Variants in APBB1 observed in about 807,000 individuals in gnomAD.
The protein encoded by APBB1 is adaptor protein FE65a2.
A neutral mutation model predicts 78.4 loss-of-function variants in APBB1; 22 were observed. The observed-to-expected ratio is 0.28, with a 90% confidence interval of 0.20 to 0.40. The LOEUF (loss-of-function observed/expected upper bound fraction) is 0.40, where lower values mean the gene tolerates loss of function less well. Ranked by LOEUF, APBB1 falls within the 10% of genes least tolerant of loss-of-function variation. The pLI is 1.00. For synonymous variants in APBB1, 369 were observed against 372.7 expected (o/e 0.99, Z 0.12); for missense variants, 749 against 932.4 (o/e 0.80, Z 2.56).
At chr11:6,396,448 T>A in intron 12 of APBB1, 1 of 497,630 alleles carries the variant, frequency 2.0e-6, no homozygotes, top group East Asian at 3.7e-5. Context: ...GGCTCGTTAT[T>A]TTCACCGGCT....
In APBB1 at chr11:6,403,095, G is replaced by A; in HGVS notation, c.1104+50C>T. The A allele has an allele frequency of 6.5e-7, 1 of 1,541,668 alleles. No individual in the cohort carries two copies. The highest frequency in any genetic ancestry group is 8.8e-7 in the Non-Finnish European group (1 of 1,137,090). ...CAGAGCACAACATTAGGGGCTGTCT[G>A]ACAAATAAGAGGGCCCCAGACTCAG... On this transcript the variant is annotated intron_variant, in intron 6 of 14. Coordinates refer to ENST00000609360, the MANE Select transcript of APBB1 (RefSeq NM_001164.5). The surrounding 1 kb of genome is among the most constrained non-coding windows in gnomAD (Gnocchi z 5.3).
In APBB1 at chr11:6,402,068, A is replaced by G. The variant is rs1292369641; in HGVS notation, c.1382+14T>C. 4 of 1,613,440 alleles carry G rather than the reference A, an allele frequency of 2.5e-6. No homozygotes were observed. Among genetic ancestry groups the G allele is most frequent in the South Asian group, 1.1e-5 (1 of 91,054 alleles). ...GATGAACTCCCACCCTCGAATCCCA[A>G]GCCCTATTCCCACCTTCCACTGTCC... On this transcript the variant is annotated intron_variant, in intron 8 of 14. Coordinates refer to ENST00000609360, the MANE Select transcript of APBB1 (RefSeq NM_001164.5).
At chr11:6,415,344 TC>T in intron 1 of APBB1, among the ~76,000 whole-genome samples, 1 of 152,276 alleles carries the variant, frequency 6.6e-6, no homozygotes, top group East Asian at 1.9e-4. Flanking sequence ...TCTGACAGCT[TC>T]CCATATGCCA....
chr11:6,419,274 A>G (rs1041248659), upstream of APBB1: 74 of 280,928 alleles, frequency 2.6e-4, no homozygotes, highest in Non-Finnish European at 3.4e-4. Flanking sequence ...CCCAGCAGAC[A>G]CCCCTGCAGC....
chr11:6,395,404 C>A lies in APBB1; in HGVS notation c.*130G>T. Reference sequence around the variant, plus strand: ...CCTCCCCAGCTCCTAGGCAGGGAACCGTAGCTACTGGGGAGGGGCATATTT... The same window carrying A: ...CCTCCCCAGCTCCTAGGCAGGGAACAGTAGCTACTGGGGAGGGGCATATTT... On this transcript the variant is annotated 3_prime_UTR_variant, in exon 15 of 15. Transcript: ENST00000609360. The surrounding 1 kb of genome is among the most constrained non-coding windows in gnomAD (Gnocchi z 5.2). 1.0e-6 allele frequency: 1 copy of A among 1,003,860 alleles called. No homozygotes were observed. The allele number at this position is 1,003,860 out of a possible 1,614,324, so 62.2% of individuals were successfully genotyped here.
At chr11:6,415,792 C>T (rs1849103623) in intron 1 of APBB1, among the ~76,000 whole-genome samples, 2 of 152,196 alleles carry the variant, frequency 1.3e-5, no homozygotes, top group Admixed American at 1.3e-4. Flanking sequence ...TTGGATTCTT[C>T]CTATGATGCC....
At position 6,401,943 on chromosome 11, in the gene APBB1, T is replaced by C. The variant is rs768219448; in HGVS notation, c.1388+34A>G. On this transcript the variant is annotated intron_variant, in intron 9 of 14. Coordinates refer to ENST00000609360, the MANE Select transcript of APBB1 (RefSeq NM_001164.5). The surrounding 1 kb of genome is among the most constrained non-coding windows in gnomAD (Gnocchi z 4.5). Reference sequence around the variant, plus strand: ...AGCTTGGGTGCTTCCAGGCATCTGGTCCAGGTGTAGGAGGGGGAAAATAGG... The same window carrying C: ...AGCTTGGGTGCTTCCAGGCATCTGGCCCAGGTGTAGGAGGGGGAAAATAGG... The C allele has an allele frequency of 1.9e-6, 3 of 1,554,160 alleles. No individual in the cohort carries two copies. Among genetic ancestry groups the C allele is most frequent in the Non-Finnish European group, 2.6e-6 (3 of 1,152,852 alleles).
intron 1 of APBB1, among the ~76,000 whole-genome samples, chr11:6,414,138 C>T (rs1849058069): frequency 6.6e-6 from 1 of 152,116 alleles, no homozygotes; most frequent in Non-Finnish European, 1.5e-5. Flanking sequence ...CCCCACCTCC[C>T]GCCTCCTTTA....
chr11:6,417,460 C>CA (rs1219237230), intron 1 of APBB1, among the ~76,000 whole-genome samples: 1 of 152,204 alleles, frequency 6.6e-6, no homozygotes, highest in East Asian at 1.9e-4. Flanking sequence ...TCCAAGGACT[C>CA]AGTCTCTTTT....
At chr11:6,400,571 CA>C (rs2134054560) in intron 12 of APBB1, among the ~76,000 whole-genome samples, 1 of 150,652 alleles carries the variant, frequency 6.6e-6, no homozygotes, top group Non-Finnish European at 1.5e-5. Context: ...TTCTTTGCAA[CA>C]ATGAAGTATG....
chr11:6,407,415 G>A (rs761435298), intron 2 of APBB1, among the ~76,000 whole-genome samples: 8 of 152,330 alleles, frequency 5.3e-5, no homozygotes, highest in Middle Eastern at 3.4e-3. Flanking sequence ...GGGCAAGTGA[G>A]CAACTAGGCC....
chr11:6,416,755 T>C (rs903899098), intron 1 of APBB1, among the ~76,000 whole-genome samples: 19 of 152,090 alleles, frequency 1.2e-4, no homozygotes, highest in Non-Finnish European at 2.5e-4. Flanking sequence ...CTTTTTTTTT[T>C]TTTTGCGATG....
chr11:6,395,746 G>T lies in APBB1; in HGVS notation c.1965+40C>A, dbSNP rs776898063. ...AGTCACTCCCCAGCCTACCTCCCAT[G>T]GGGCCACGCCACCACCACACCACCC... On this transcript the variant is annotated intron_variant, in intron 14 of 14. Coordinates refer to ENST00000609360, the MANE Select transcript of APBB1 (RefSeq NM_001164.5). This position sits in a 1 kb window ranked among gnomAD's most constrained non-coding sequence, Gnocchi z 5.2. The T allele has an allele frequency of 1.2e-6, 2 of 1,604,448 alleles. No homozygotes were observed. Among genetic ancestry groups the T allele is most frequent in the Non-Finnish European group, 1.7e-6 (2 of 1,174,656 alleles).
At chr11:6,415,943 G>A (rs1849106785) in intron 1 of APBB1, among the ~76,000 whole-genome samples, 2 of 151,984 alleles carry the variant, frequency 1.3e-5, no homozygotes, top group African/African-American at 4.8e-5. Context: ...CCCCCATACA[G>A]GCAAACTTCC....
chr11:6,395,594 C>A lies in APBB1; in HGVS notation c.2073G>T (p.Arg691Ser). ...VARRVGWTVR[R>S]GVQSLWGSLK... ...GGGAGCCCCACAGCGACTGAACACC[C>A]CTGCGGACAGTCCACCCTACACGCC... Residue 691 changes from arginine (R) to serine (S), a missense_variant, in exon 15 of 15, where the codon AGG becomes AGT. Physicochemically the swap from Arg to Ser is moderately radical, Grantham distance 110. Around this residue, in one of 3 missense-constraint regions of APBB1, gnomAD observed 96 missense variants for 116.0 expected, o/e 0.83. Transcript: ENST00000609360. This position sits in a 1 kb window ranked among gnomAD's most constrained non-coding sequence, Gnocchi z 5.2. 2 of 1,594,434 alleles carry A rather than the reference C, an allele frequency of 1.3e-6. No homozygotes were observed. Among genetic ancestry groups the A allele is most frequent in the Non-Finnish European group, 1.7e-6 (2 of 1,169,048 alleles).
At chr11:6,402,356 G>A (rs1399287997) in intron 7 of APBB1, 147 bp from the exon 8 acceptor site, 2 of 1,219,232 alleles carry the variant, frequency 1.6e-6, no homozygotes, top group Non-Finnish European at 2.3e-6. Flanking sequence ...CACTCTAGTG[G>A]AGGTCACGTG....
At chr11:6,402,327 C>A (rs1229936878) in intron 7 of APBB1, 118 bp from the exon 8 acceptor site, 1 of 1,447,512 alleles carries the variant, frequency 6.9e-7, no homozygotes, top group Non-Finnish European at 9.3e-7. Flanking sequence ...TGGTGTCAGA[C>A]CGCCCGCCCT....
chr11:6,404,094 AG>A (rs1848678094), intron 2 of APBB1: 1 of 418,882 alleles, frequency 2.4e-6, no homozygotes, highest in African/African-American at 2.0e-5. Flanking sequence ...GGAAGAAGGA[AG>A]GGAGCAATGA....
intron 2 of APBB1, among the ~76,000 whole-genome samples, chr11:6,406,467 T>A (rs1018660777): frequency 1.3e-5 from 2 of 152,130 alleles, no homozygotes; most frequent in African/African-American, 2.4e-5. Flanking sequence ...TCTCCTCCAA[T>A]CTCAGCTGCA....
Sources: gnomAD v4.1 joint callset for allele counts (sites outside exome capture counted in the v4.1 genomes callset) on GRCh38, gnomAD v4.1.1 for gene constraint, gnomAD v4.1.1 regional missense constraint, Gnocchi (gnomAD v3.1) non-coding constraint, MANE v1.5 for transcripts, NCBI Gene and HGNC (gene_info 2026-07-23, HGNC 2026-07-21) for gene names.